The following PLCG1 variants were observed in gnomAD, a reference collection of about 807,000 sequenced individuals.
PLCG1 encodes the protein 1-phosphatidylinositol 4,5-bisphosphate phosphodiesterase gamma-1.
In PLCG1, 71 loss-of-function variants were observed where a neutral mutation model predicts 177.8. That is an observed-to-expected ratio of 0.40 (90% CI 0.33 to 0.49). The LOEUF is 0.49. PLCG1 is among the 20% of genes least tolerant of loss of function. The probability of loss-of-function intolerance (pLI) is 0.72; values close to 1 mark genes in which losing one functional copy is unlikely to be tolerated. For synonymous variants in PLCG1, 658 were observed against 647.9 expected, an observed-to-expected ratio of 1.02 and a Z score of -0.24; for missense variants, 1,281 against 1,709.0, an observed-to-expected ratio of 0.75 and a Z score of 4.42.
In PLCG1 at chr20:41,153,133, C is replaced by T. The variant is rs1295078162; in HGVS notation, c.218-6473C>T. On this transcript the variant is annotated intron_variant, in intron 1 of 31. Transcript: ENST00000685551. This position sits in a 1 kb window ranked among gnomAD's most constrained non-coding sequence, Gnocchi z 5.1. ...AATCTTCGCTTACCTCTTTCAAGCTCTTTAGATTTTAAAGAGACCTTTCAT... is the reference window on the plus strand; with the variant it reads ...AATCTTCGCTTACCTCTTTCAAGCTTTTTAGATTTTAAAGAGACCTTTCAT... 6.6e-6 allele frequency among the ~76,000 whole-genome samples: 1 copy of T among 152,162 alleles called. No individual in the cohort carries two copies. The highest frequency in any genetic ancestry group is 1.5e-5 in the Non-Finnish European group (1 of 68,022).
At chr20:41,169,257 C>T (rs150774294) in intron 22 of PLCG1, 82 bp downstream of exon 22, 190 of 1,103,998 alleles carry the variant, frequency 1.7e-4, no homozygotes, top group Middle Eastern at 1.4e-3. Context: ...GTCCCAAGCA[C>T]GCACGTGCAT....
chr20:41,155,951 G>A (rs996231001), intron 1 of PLCG1, among the ~76,000 whole-genome samples: 16 of 152,180 alleles, frequency 1.1e-4, no homozygotes, highest in African/African-American at 3.9e-4. Flanking sequence ...ACTAAGCTGG[G>A]AAGGGGATGG....
Position 41,159,858 on chromosome 20 carries a change from C to G in PLCG1, c.371-12C>G, listed in dbSNP as rs768325246. 6.2e-7 allele frequency: 1 copy of G among 1,613,776 alleles called. No individual in the cohort carries two copies. The highest frequency in any genetic ancestry group is 1.1e-5 in the South Asian group (1 of 91,084). ...TGTGCCCTCGGGGCAGCTATTGATA[C>G]CTTGCTCACAGCCACATCTGAGGAT... On this transcript the variant is annotated splice_polypyrimidine_tract_variant and intron_variant, in intron 2 of 31. Transcript: ENST00000685551. The surrounding 1 kb of genome is among the most constrained non-coding windows in gnomAD (Gnocchi z 6.0).
Position 41,165,990 on chromosome 20 carries a change from A to ACC in PLCG1, c.1799+173_1799+174dup, listed in dbSNP as rs145133101. Reference sequence around the variant, plus strand: ...CATACACACACACACTCTCTGTCTCACCCCCCCCCCATACCCCTCCCTTTT... The same window carrying ACC: ...CATACACACACACACTCTCTGTCTCACCCCCCCCCCCCATACCCCTCCCTTTT... On this transcript the variant is annotated intron_variant, in intron 16 of 31. Coordinates refer to ENST00000685551, the MANE Select transcript of PLCG1 (RefSeq NM_002660.3). This position sits in a 1 kb window ranked among gnomAD's most constrained non-coding sequence, Gnocchi z 6.6. 665 of 528,802 alleles carry ACC rather than the reference A, an allele frequency of 1.3e-3. 4 individuals are homozygous for ACC. The highest frequency in any genetic ancestry group is 9.1e-3 in the South Asian group (370 of 40,852). 32.8% of individuals were successfully genotyped at this position (528,802 alleles called of 1,614,324 possible).
In PLCG1 at chr20:41,173,228, G is replaced by T. The variant is rs1355572731; in HGVS notation, c.3280-192G>T. Among the ~76,000 whole-genome samples, 2 of 152,144 alleles carry T rather than the reference G, an allele frequency of 1.3e-5. No homozygotes were observed. Among genetic ancestry groups the T allele is most frequent in the Admixed American group, 1.3e-4 (2 of 15,284 alleles). On this transcript the variant is annotated intron_variant, in intron 27 of 31. Transcript: ENST00000685551. The surrounding 1 kb of genome is among the most constrained non-coding windows in gnomAD (Gnocchi z 6.2). ...AATTTTGGCTAAAGCTCAGACTTCA[G>T]ATAAACTACAGGCAGCAGCTGCTCT...
At chr20:41,162,338 T>C in intron 4 of PLCG1, 114 bp from the exon 5 acceptor site, 1 of 528,708 alleles carries the variant, frequency 1.9e-6, no homozygotes, top group South Asian at 1.6e-5. Context: ...CCCTCAGGCC[T>C]CCAGGTTCCC....
In PLCG1 at chr20:41,163,154, C is replaced by T. The variant is rs996329971; in HGVS notation, c.717-49C>T. On this transcript the variant is annotated intron_variant, in intron 7 of 31. Transcript: ENST00000685551. The surrounding 1 kb of genome is among the most constrained non-coding windows in gnomAD (Gnocchi z 5.2). ...GTTGGGTTCTGCCTTCCGTGGGGCA[C>T]CTTGTTGTCTGTTGACCATACTAGC... is the stretch of plus-strand genomic sequence containing the variant. 7.8e-6 allele frequency: 12 copies of T among 1,540,606 alleles called. No homozygotes were observed. In the Admixed American group the frequency reaches 2.0e-4, roughly 26 times the overall value.
chr20:41,164,063 G>A lies in PLCG1; in HGVS notation c.1097-18G>A. The A allele has an allele frequency of 6.2e-7, 1 of 1,614,188 alleles. No individual in the cohort carries two copies. Among genetic ancestry groups the A allele is most frequent in the Non-Finnish European group, 8.5e-7 (1 of 1,180,038 alleles). On this transcript the variant is annotated intron_variant, in intron 11 of 31. Coordinates refer to ENST00000685551, the MANE Select transcript of PLCG1 (RefSeq NM_002660.3). The surrounding 1 kb of genome is among the most constrained non-coding windows in gnomAD (Gnocchi z 6.4). The stretch of plus-strand genomic sequence containing the variant: ...ATGGGAGGCCTGCCCGCTTGACCAT[G>A]GTGATGTTGCTCCCCAGTGGACTGC...
At chr20:41,169,010 A>T (rs2035801044) in intron 21 of PLCG1, 69 bp from the exon 22 acceptor site, 1 of 1,314,526 alleles carries the variant, frequency 7.6e-7, no homozygotes, top group Non-Finnish European at 1.1e-6. Context: ...GGGAACCCCT[A>T]CCAAAGGATA....
chr20:41,169,271 C>A, intron 22 of PLCG1, 96 bp downstream of exon 22: 1 of 1,008,814 alleles, frequency 9.9e-7, no homozygotes, highest in Non-Finnish European at 1.6e-6. Flanking sequence ...CGTGCATGCA[C>A]AGACACCTGT....
chr20:41,165,657 C>T lies in PLCG1; in HGVS notation c.1630C>T (p.Leu544=), dbSNP rs767614007. ...CTGACAGGTCAGCAGCAGCACAGAG[C>T]TGCACTCCAATGAGAAGTGGTTCCA... ...EPKEVSSSTE[L]HSNEKWFHGK... The change falls in exon 16 of 32, where the codon CTG becomes TTG. Residue 544 remains leucine (L), a synonymous_variant. Transcript: ENST00000685551. The surrounding 1 kb of genome is among the most constrained non-coding windows in gnomAD (Gnocchi z 6.6). 7.4e-6 allele frequency: 12 copies of T among 1,613,738 alleles called. No individual in the cohort carries two copies. Among genetic ancestry groups the T allele is most frequent in the Non-Finnish European group, 1.0e-5 (12 of 1,179,830 alleles).
At position 41,177,371 on chromosome 20, in the gene PLCG1, T is replaced by G. The variant is rs1408164204; in HGVS notation, c.*2862T>G. ...TGGCAGGAGCAGTTTCTGACCTCAG[T>G]TGAGTATCTGTGGCCATGAGCAGAA... On this transcript the variant is annotated 3_prime_UTR_variant, in exon 32 of 32. Transcript: ENST00000685551. 6.6e-6 allele frequency: 1 copy of G among 152,276 alleles called. No homozygotes were observed. Among genetic ancestry groups the G allele is most frequent in the Admixed American group, 6.5e-5 (1 of 15,292 alleles). The allele number at this position is 152,276 out of a possible 1,614,324, so 9.4% of individuals were successfully genotyped here.
Position 41,154,966 on chromosome 20 carries a change from G to C in PLCG1, c.218-4640G>C, listed in dbSNP as rs35049828. Among the ~76,000 whole-genome samples the C allele has an allele frequency of 7.6e-3, 1,165 of 152,318 alleles. 13 individuals are homozygous for C. Among genetic ancestry groups the C allele is most frequent in the East Asian group, 0.025 (130 of 5,166 alleles). ...ACTGCCATTACTGGCATGTCCAAAA[G>C]GGGGATGCTGTCCAGGACTGCATGG... On this transcript the variant is annotated intron_variant, in intron 1 of 31. Coordinates refer to ENST00000685551, the MANE Select transcript of PLCG1 (RefSeq NM_002660.3).
chr20:41,165,837 C>T lies in PLCG1; in HGVS notation c.1799+11C>T. 1 of 1,564,338 alleles carries T rather than the reference C, an allele frequency of 6.4e-7. No individual in the cohort carries two copies. Among genetic ancestry groups the T allele is most frequent in the Non-Finnish European group, 8.7e-7 (1 of 1,150,068 alleles). ...CACGCTCTCTTTCTGGTAACACTTC[C>T]CATGCAGATGCGTATGTTCAGTCAG... On this transcript the variant is annotated intron_variant, in intron 16 of 31. Coordinates refer to ENST00000685551, the MANE Select transcript of PLCG1 (RefSeq NM_002660.3). This position sits in a 1 kb window ranked among gnomAD's most constrained non-coding sequence, Gnocchi z 6.6.
Position 41,172,933 on chromosome 20 carries a change from T to A in PLCG1, c.3279+56T>A. The stretch of plus-strand genomic sequence containing the variant: ...GGAAAGGGGCTGCTTGCCGTTGGAG[T>A]CTGTTTATGTTGAGTTCTCCAAAAG... On this transcript the variant is annotated intron_variant, in intron 27 of 31. Coordinates refer to ENST00000685551, the MANE Select transcript of PLCG1 (RefSeq NM_002660.3). The surrounding 1 kb of genome is among the most constrained non-coding windows in gnomAD (Gnocchi z 7.0). 1 of 1,574,742 alleles carries A rather than the reference T, an allele frequency of 6.4e-7. No individual in the cohort carries two copies.
At position 41,172,903 on chromosome 20, in the gene PLCG1, G is replaced by C. The variant is rs2035948498; in HGVS notation, c.3279+26G>C. On this transcript the variant is annotated intron_variant, in intron 27 of 31. Transcript: ENST00000685551. This position sits in a 1 kb window ranked among gnomAD's most constrained non-coding sequence, Gnocchi z 7.0. ...GTGGGTGCTGCTCATCTGGGCTTCA[G>C]GGTAGGAAAGGGGCTGCTTGCCGTT... 3 of 1,606,798 alleles carry C rather than the reference G, an allele frequency of 1.9e-6. No individual in the cohort carries two copies. In the South Asian group the frequency reaches 3.3e-5, roughly 18 times the overall value.
Position 41,172,800 on chromosome 20 carries a change from A to C in PLCG1, c.3202A>C (p.Thr1068Pro). The C allele has an allele frequency of 6.2e-7, 1 of 1,614,154 alleles. No individual in the cohort carries two copies. The highest frequency in any genetic ancestry group is 8.5e-7 in the Non-Finnish European group (1 of 1,180,042). The change falls in exon 27 of 32, where the codon ACC becomes CCC. Residue 1068 changes from threonine to proline, a missense_variant. Around this residue, in one of 4 missense-constraint regions of PLCG1, gnomAD observed 723 missense variants for 1,030.0 expected, o/e 0.70. Coordinates refer to ENST00000685551, the MANE Select transcript of PLCG1 (RefSeq NM_002660.3). The surrounding 1 kb of genome is among the most constrained non-coding windows in gnomAD (Gnocchi z 7.0). The stretch of plus-strand genomic sequence containing the variant: ...CTGTGGCTACGTGCTGCAGCCAAGC[A>C]CCATGCGGGATGAGGCCTTCGACCC... The part of the protein sequence containing the change: ...RHCGYVLQPS[T>P]MRDEAFDPFD...
Position 41,166,072 on chromosome 20 carries a change from C to G in PLCG1, c.1800-122C>G. On this transcript the variant is annotated intron_variant, in intron 16 of 31. Transcript: ENST00000685551. The surrounding 1 kb of genome is among the most constrained non-coding windows in gnomAD (Gnocchi z 8.6). ...TGTGACTGCCCACACCTGAGCTCCTCAGGAGATTGGCCTCCCTCCTTGAGG... is the reference window on the plus strand; with the variant it reads ...TGTGACTGCCCACACCTGAGCTCCTGAGGAGATTGGCCTCCCTCCTTGAGG... 2.4e-6 allele frequency: 2 copies of G among 845,582 alleles called. No homozygotes were observed. Among genetic ancestry groups the G allele is most frequent in the Non-Finnish European group, 3.7e-6 (2 of 546,650 alleles). The allele number at this position is 845,582 out of a possible 1,614,324, so 52.4% of individuals were successfully genotyped here.
At chr20:41,138,747 C>T (rs2034705715) in intron 1 of PLCG1, among the ~76,000 whole-genome samples, 1 of 152,154 alleles carries the variant, frequency 6.6e-6, no homozygotes, top group Non-Finnish European at 1.5e-5. Context: ...GCCTTTTCGC[C>T]TTCCCAGGCC....
Sources: gnomAD v4.1 joint callset for allele counts (sites outside exome capture counted in the v4.1 genomes callset) on GRCh38, gnomAD v4.1.1 for gene constraint, gnomAD v4.1.1 regional missense constraint, Gnocchi (gnomAD v3.1) non-coding constraint, MANE v1.5 for transcripts, NCBI Gene and HGNC (gene_info 2026-07-23, HGNC 2026-07-21) for gene names.